LCORL: variants seen among roughly 807,000 people sequenced by gnomAD.
The protein encoded by LCORL is ligand-dependent nuclear receptor corepressor-like protein.
LCORL carries 41 observed loss-of-function variants against 141.8 expected under a neutral mutation model. The ratio of observed to expected loss-of-function variants is 0.29; its 90% CI spans 0.23 to 0.38. The LOEUF is 0.38. Among genes scored for constraint, LCORL ranks in the 10% least tolerant of loss-of-function variants. The pLI, the probability that LCORL is intolerant of heterozygous loss-of-function variation, is 1.00. For missense variants in LCORL, 1,759 were observed against 2,035.0 expected, an observed-to-expected ratio of 0.86 and a Z score of 2.61; for synonymous variants, 618 against 694.1, an observed-to-expected ratio of 0.89 and a Z score of 1.72.
chr4:17,874,102 ATCTTAAGTT>A, exon 7 of LCORL: 1 of 1,221,540 alleles, frequency 8.2e-7, no homozygotes, highest in South Asian at 4.1e-5. Context: ...TGGCAGAAAA[ATCTTAAGTT>A]TCTCCTTTTA....
chr4:17,966,648 C>T (rs565191716), intron 2 of LCORL, among the ~76,000 whole-genome samples: 2 of 152,224 alleles, frequency 1.3e-5, no homozygotes, highest in South Asian at 2.1e-4. Context: ...TGAATAGATA[C>T]ATCACCCAAG....
chr4:17,843,825 A>G (rs1449282426), exon 8 of LCORL: 1 of 154,646 alleles, frequency 6.5e-6, no homozygotes, highest in Non-Finnish European at 1.4e-5. Flanking sequence ...CCGCCTGAGG[A>G]CACATTTAAC....
intron 4 of LCORL, chr4:17,912,431 C>G (rs1732714634): frequency 3.3e-6 from 2 of 597,308 alleles, no homozygotes; most frequent in African/African-American, 1.8e-5. Flanking sequence ...CAGGACCTTG[C>G]CAAGATCATG....
rs1365270480 is a variant in LCORL, at chr4:17,884,580, C to T, written c.776+1488G>A. 6.5e-7 allele frequency: 1 copy of T among 1,538,506 alleles called. No homozygotes were observed. Among genetic ancestry groups the T allele is most frequent in the African/African-American group, 1.4e-5 (1 of 71,770 alleles). On this transcript the variant is annotated intron_variant, in intron 6 of 7. Transcript: ENST00000635767. This position sits in a 1 kb window ranked among gnomAD's most constrained non-coding sequence, Gnocchi z 4.4. Reference sequence around the variant, plus strand: ...TTTTTAAAAGATGCAGGCTTCCCTGCTGGTAAGGCTTCTAAGTGAAGAAGT... The same window carrying T: ...TTTTTAAAAGATGCAGGCTTCCCTGTTGGTAAGGCTTCTAAGTGAAGAAGT...
intron 5 of LCORL, among the ~76,000 whole-genome samples, chr4:17,888,380 C>T (rs969267029): frequency 6.6e-6 from 1 of 152,110 alleles, no homozygotes; most frequent in Admixed American, 6.6e-5. Context: ...GTCTCCAACT[C>T]ATCTCAAACC....
At chr4:18,000,083 G>A (rs1222287173) in intron 1 of LCORL, among the ~76,000 whole-genome samples, 2 of 150,440 alleles carry the variant, frequency 1.3e-5, no homozygotes, top group African/African-American at 4.9e-5. Flanking sequence ...CAAAGACAGA[G>A]AGTAACTAAG....
At chr4:17,975,974 C>T (rs1716882489) in intron 1 of LCORL, among the ~76,000 whole-genome samples, 1 of 151,964 alleles carries the variant, frequency 6.6e-6, no homozygotes, top group Admixed American at 6.6e-5. Flanking sequence ...TTATTGGGTA[C>T]ATTTATATTG....
chr4:17,935,509 C>A (rs1336861226), intron 4 of LCORL, among the ~76,000 whole-genome samples: 1 of 152,146 alleles, frequency 6.6e-6, no homozygotes, highest in Non-Finnish European at 1.5e-5. Context: ...TTGGTGCTAT[C>A]CTCAGTAATA....
chr4:17,906,136 T>A (rs112987778), intron 5 of LCORL, among the ~76,000 whole-genome samples: 2,870 of 152,310 alleles, frequency 0.019, 30 homozygotes, highest in South Asian at 0.031. Context: ...ACATACTGTG[T>A]TAGTGGGTAC....
At chr4:17,904,061 T>C (rs537453538) in intron 5 of LCORL, among the ~76,000 whole-genome samples, 1 of 151,966 alleles carries the variant, frequency 6.6e-6, no homozygotes, top group Non-Finnish European at 1.5e-5. Flanking sequence ...ATAAAAAAAA[T>C]ATAAAACAAT....
chr4:17,928,348 G>GCTGCAATGAACCATGGCTGCACCA (rs1735489231), intron 4 of LCORL, among the ~76,000 whole-genome samples: 1 of 152,192 alleles, frequency 6.6e-6, no homozygotes, highest in Non-Finnish European at 1.5e-5. Flanking sequence ...GGCAGGCAAG[G>GCTGCAATGAACCATGGCTGCACCA]CTGCAATGAA....
At chr4:17,929,750 G>A (rs1484554238) in intron 4 of LCORL, among the ~76,000 whole-genome samples, 1 of 152,124 alleles carries the variant, frequency 6.6e-6, no homozygotes, top group Non-Finnish European at 1.5e-5. Flanking sequence ...AACAAGAACA[G>A]AATGGATAAA....
intron 4 of LCORL, among the ~76,000 whole-genome samples, chr4:17,923,476 T>C (rs1328470631): frequency 6.6e-6 from 1 of 152,150 alleles, no homozygotes; most frequent in East Asian, 1.9e-4. Flanking sequence ...TGAAATCCCA[T>C]CTCTACTAAA....
chr4:17,977,461 AAC>A (rs1447083561), intron 1 of LCORL, among the ~76,000 whole-genome samples: 1 of 152,290 alleles, frequency 6.6e-6, no homozygotes, highest in East Asian at 1.9e-4. Flanking sequence ...AATAATAAAA[AAC>A]AGTGATTTGT....
chr4:18,012,378 T>C (rs150061823), intron 1 of LCORL, among the ~76,000 whole-genome samples: 13 of 152,328 alleles, frequency 8.5e-5, no homozygotes, highest in East Asian at 7.7e-4. Context: ...AGTCAGGCAG[T>C]AGGGCAATCT....
intron 7 of LCORL, among the ~76,000 whole-genome samples, chr4:17,863,315 C>CA (rs546869696): frequency 6.6e-6 from 1 of 151,630 alleles, no homozygotes; most frequent in Non-Finnish European, 1.5e-5. Context: ...GACTCTGTCT[C>CA]AAAAAAACAA....
exon 7 of LCORL, chr4:17,877,171 G>A (rs1052768142): frequency 3.7e-5 from 46 of 1,230,438 alleles, no homozygotes; most frequent in Middle Eastern, 3.1e-4. Flanking sequence ...GTTTCTTGAC[G>A]CTTTCGAAAT....
intron 4 of LCORL, among the ~76,000 whole-genome samples, chr4:17,921,653 G>A (rs1407690387): frequency 6.6e-6 from 1 of 152,150 alleles, no homozygotes; most frequent in South Asian, 2.1e-4. Flanking sequence ...AACAATGGAT[G>A]TGATGGTTAA....
intron 6 of LCORL, 85 bp from the exon 7 acceptor site, chr4:17,878,298 A>T: frequency 1.1e-6 from 1 of 945,506 alleles, no homozygotes; most frequent in Non-Finnish European, 1.4e-6. Flanking sequence ...TTGAAAAAAG[A>T]TATTTTGGTA....
Sources: allele counts gnomAD v4.1 joint callset (sites outside exome capture counted in the v4.1 genomes callset), GRCh38; gene constraint gnomAD v4.1.1; non-coding constraint Gnocchi (gnomAD v3.1); transcripts MANE v1.5; gene names NCBI Gene and HGNC (gene_info 2026-07-23, HGNC 2026-07-21).